The following PCDHA13 variants were observed in gnomAD, a reference collection of about 807,000 sequenced individuals.
PCDHA13 encodes the protein protocadherin alpha 13.
A neutral mutation model predicts 64.8 loss-of-function variants in PCDHA13; 54 were observed. The ratio of observed to expected loss-of-function variants is 0.83; its 90% CI spans 0.67 to 1.04. The LOEUF (loss-of-function observed/expected upper bound fraction) is 1.04, where lower values mean the gene tolerates loss of function less well. Among genes scored for constraint, PCDHA13 ranks in the 50% least tolerant of loss-of-function variants. The probability of loss-of-function intolerance (pLI) is 0.00; values close to 1 mark genes in which losing one functional copy is unlikely to be tolerated. For missense variants in PCDHA13, 1,248 were observed against 1,254.3 expected (o/e 0.99, Z 0.08); for synonymous variants, 587 against 564.4 (o/e 1.04, Z -0.57).
At chr5:140,929,484 T>G (rs1445028927) in intron 1 of PCDHA13, 9 of 1,156,262 alleles carry the variant, frequency 7.8e-6, no homozygotes, top group Non-Finnish European at 1.0e-5. Flanking sequence ...AGTATAGAAG[T>G]ATTAGAAGAT....
chr5:140,948,547 A>G (rs1054072354), intron 1 of PCDHA13, among the ~76,000 whole-genome samples: 9 of 151,490 alleles, frequency 5.9e-5, no homozygotes, highest in Admixed American at 5.9e-4. Flanking sequence ...ATGCTCTGTC[A>G]ATTTTGTTAA....
chr5:140,990,148 A>T (rs1236453414), intron 3 of PCDHA13, among the ~76,000 whole-genome samples: 1 of 152,146 alleles, frequency 6.6e-6, no homozygotes, highest in African/African-American at 2.4e-5. Flanking sequence ...AGGCATAATA[A>T]TAGAAAGTTA....
At chr5:140,999,263 A>G (rs566864160) in intron 3 of PCDHA13, among the ~76,000 whole-genome samples, 3 of 152,346 alleles carry the variant, frequency 2.0e-5, no homozygotes, top group East Asian at 1.9e-4. Context: ...TAGTAAAGGA[A>G]TACTGCATAG....
Position 140,884,568 on chromosome 5 carries a change from C to T in PCDHA13, c.2300C>T (p.Thr767Met), listed in dbSNP as rs2060268107. The change falls in exon 1 of 4, where the codon ACG becomes ATG. Residue 767 changes from threonine (T) to methionine (M), a missense_variant. Coordinates refer to ENST00000289272, the MANE Select transcript of PCDHA13 (RefSeq NM_018904.3). ...RVCSGEGPHK[T>M]DLMAFSPSLP... ...TGCTCTGGGGAGGGCCCGCATAAGA[C>T]GGACCTCATGGCCTTCAGTCCCAGC... The T allele has an allele frequency of 1.2e-6, 2 of 1,614,210 alleles. No individual in the cohort carries two copies. Among genetic ancestry groups the T allele is most frequent in the Non-Finnish European group, 1.7e-6 (2 of 1,180,026 alleles).
At chr5:140,987,452 A>C (rs1430622755) in intron 3 of PCDHA13, among the ~76,000 whole-genome samples, 2 of 152,076 alleles carry the variant, frequency 1.3e-5, no homozygotes, top group Non-Finnish European at 2.9e-5. Context: ...CCCGAGAGAT[A>C]ATTGTTAAGA....
At chr5:140,977,306 C>G (rs995052680) in intron 1 of PCDHA13, among the ~76,000 whole-genome samples, 22 of 152,268 alleles carry the variant, frequency 1.4e-4, no homozygotes, top group African/African-American at 4.8e-4. Context: ...GACAAGCTAA[C>G]GATAGTGCTC....
At chr5:140,948,253 AT>A (rs1365335948) in intron 1 of PCDHA13, among the ~76,000 whole-genome samples, 1 of 151,624 alleles carries the variant, frequency 6.6e-6, no homozygotes, top group Non-Finnish European at 1.5e-5. Context: ...ATATTTTTAC[AT>A]CTGTGTTCAT....
At chr5:140,972,334 A>G (rs2153793460) in intron 1 of PCDHA13, among the ~76,000 whole-genome samples, 1 of 151,024 alleles carries the variant, frequency 6.6e-6, no homozygotes, top group Admixed American at 6.6e-5. Flanking sequence ...TTTTTGGAAG[A>G]GATGGGGGTC....
intron 3 of PCDHA13, among the ~76,000 whole-genome samples, chr5:140,999,159 G>T (rs1056236953): frequency 6.6e-6 from 1 of 152,182 alleles, no homozygotes; most frequent in Non-Finnish European, 1.5e-5. Flanking sequence ...CAGTCCCCTA[G>T]AAGGAAAAGA....
intron 1 of PCDHA13, among the ~76,000 whole-genome samples, chr5:140,890,111 A>G (rs1365246358): frequency 6.6e-6 from 1 of 152,194 alleles, no homozygotes; most frequent in Admixed American, 6.5e-5. Context: ...TCTGGATTCA[A>G]TGATGTCACT....
At position 141,003,207 on chromosome 5, in the gene PCDHA13, T is replaced by C. The variant is rs141066841; in HGVS notation, c.2543-6420T>C. On this transcript the variant is annotated intron_variant, in intron 3 of 3. Coordinates refer to ENST00000289272, the MANE Select transcript of PCDHA13 (RefSeq NM_018904.3). Reference sequence around the variant, plus strand: ...CATCAACTCAGGCAGCCAGGGTTAGTTTAGCATGAAAGAGGAAAGCTGGAA... The same window carrying C: ...CATCAACTCAGGCAGCCAGGGTTAGCTTAGCATGAAAGAGGAAAGCTGGAA... Among the ~76,000 whole-genome samples the C allele has an allele frequency of 6.3e-3, 959 of 152,338 alleles. 16 individuals carry two copies. The highest frequency in any genetic ancestry group is 0.021 in the African/African-American group (892 of 41,582).
At position 140,924,894 on chromosome 5, in the gene PCDHA13, C is replaced by CAAAAAA. The variant is rs782133089; in HGVS notation, c.2394+40238_2394+40243dup. Among the ~76,000 whole-genome samples, 6 of 71,470 alleles carry CAAAAAA rather than the reference C, an allele frequency of 8.4e-5. No homozygotes were observed. In the East Asian group the frequency reaches 2.6e-3, roughly 31 times the overall value. 46.9% of individuals were successfully genotyped at this position (71,470 alleles called of 152,430 possible). A position where few individuals can be genotyped will look rare whatever the true frequency, so the allele number is the denominator to read the frequency against. On this transcript the variant is annotated intron_variant, in intron 1 of 3. Transcript: ENST00000289272. ...TGGGTGACAGAGCAAGAACCTGTCT[C>CAAAAAA]AAAAAAAAAAATAAAATAAAATAAA... is the stretch of plus-strand genomic sequence containing the variant.
At chr5:140,990,492 A>G (rs533006418) in intron 3 of PCDHA13, among the ~76,000 whole-genome samples, 1 of 152,308 alleles carries the variant, frequency 6.6e-6, no homozygotes, top group South Asian at 2.1e-4. Flanking sequence ...TAGTGAGGTG[A>G]CATTCCCCAA....
In PCDHA13 at chr5:141,010,195, C is replaced by G. The variant is rs753472247; in HGVS notation, c.*258C>G. 6.4e-7 allele frequency: 1 copy of G among 1,552,256 alleles called. No homozygotes were observed. The highest frequency in any genetic ancestry group is 8.7e-7 in the Non-Finnish European group (1 of 1,147,132). Reference sequence around the variant, plus strand: ...TAAAAAGCAGACCCAAGTTTCCTTTCTCCTCCGCCGCAAAGGAGAGGCTTC... The same window carrying G: ...TAAAAAGCAGACCCAAGTTTCCTTTGTCCTCCGCCGCAAAGGAGAGGCTTC... On this transcript the variant is annotated 3_prime_UTR_variant, in exon 4 of 4. Coordinates refer to ENST00000289272, the MANE Select transcript of PCDHA13 (RefSeq NM_018904.3).
chr5:140,994,784 A>G (rs1245945274), intron 3 of PCDHA13, among the ~76,000 whole-genome samples: 2 of 152,202 alleles, frequency 1.3e-5, no homozygotes, highest in Non-Finnish European at 2.9e-5. Flanking sequence ...CAAAGGAAAC[A>G]ATGCGTGCAT....
intron 1 of PCDHA13, chr5:140,927,642 T>A: frequency 6.2e-7 from 1 of 1,614,156 alleles, no homozygotes; most frequent in Non-Finnish European, 8.5e-7. Flanking sequence ...CCAATGGGAC[T>A]GTGTTATTCC....
At chr5:140,925,826 G>T (rs1284588733) in intron 1 of PCDHA13, among the ~76,000 whole-genome samples, 3 of 152,066 alleles carry the variant, frequency 2.0e-5, no homozygotes, top group Non-Finnish European at 2.9e-5. Flanking sequence ...CTTCTTTGGG[G>T]ACGGGTCGTC....
intron 1 of PCDHA13, among the ~76,000 whole-genome samples, chr5:140,904,015 AT>A (rs1171166257): frequency 6.6e-6 from 1 of 152,234 alleles, no homozygotes; most frequent in Non-Finnish European, 1.5e-5. Flanking sequence ...ACTTTAAAAA[AT>A]AATGGTATAA....
intron 3 of PCDHA13, among the ~76,000 whole-genome samples, chr5:140,997,728 A>G (rs1376007377): frequency 6.6e-6 from 1 of 152,030 alleles, no homozygotes; most frequent in Non-Finnish European, 1.5e-5. Flanking sequence ...ACGTCAGTAC[A>G]TATAGATTTG....
Sources: allele counts gnomAD v4.1 joint callset (sites outside exome capture counted in the v4.1 genomes callset), GRCh38; gene constraint gnomAD v4.1.1; transcripts MANE v1.5; gene names NCBI Gene and HGNC (gene_info 2026-07-23, HGNC 2026-07-21).